The following ENOX2 variants were observed in gnomAD, a reference collection of about 807,000 sequenced individuals.
ENOX2 encodes the protein ecto-NOX disulfide-thiol exchanger 2.
A neutral mutation model predicts 45.0 loss-of-function variants in ENOX2; 36 were observed. The ratio of observed to expected loss-of-function variants is 0.80; its 90% CI spans 0.61 to 1.06. ENOX2 has a LOEUF of 1.06. Ranked by LOEUF, ENOX2 falls within the 50% of genes least tolerant of loss-of-function variation. The pLI, the probability that ENOX2 is intolerant of heterozygous loss-of-function variation, is 0.00. For missense variants in ENOX2, 423 were observed against 462.5 expected, an observed-to-expected ratio of 0.91 and a Z score of 0.78; for synonymous variants, 174 against 152.3, an observed-to-expected ratio of 1.14 and a Z score of -1.05.
At position 130,631,563 on chromosome X, in the gene ENOX2, G is replaced by C. The variant is rs1371480707; in HGVS notation, c.1433C>G (p.Ser478Cys). 3.4e-6 allele frequency: 4 copies of C among 1,179,636 alleles called. No homozygotes were observed. The highest frequency in any genetic ancestry group is 4.6e-6 in the Non-Finnish European group (4 of 867,752). ...ENLKEKESCA[S>C]RLCASNQDSE... ...ATCCTGGTTTGAGGCACACAGCCTA[G>C]AAGCACAGCTTTCCTGTGGACACAA... Residue 478 changes from serine (S) to cysteine (C), a missense_variant, in exon 13 of 15, where the codon TCT (serine) becomes TGT (cysteine). By Grantham distance (112) the Ser-to-Cys change is moderately radical. Coordinates refer to ENST00000394363, the MANE Select transcript of ENOX2 (RefSeq NM_006375.4).
At chrX:130,730,775 G>A (rs1407935572) in intron 3 of ENOX2, among the ~76,000 whole-genome samples, 1 of 110,745 alleles carries the variant, frequency 9.0e-6, no homozygotes, top group African/African-American at 3.3e-5. Context: ...TGGGGGGAAT[G>A]GGGGGCTTCC....
At chrX:130,690,775 C>G (rs2148185862) in intron 4 of ENOX2, among the ~76,000 whole-genome samples, 1 of 110,843 alleles carries the variant, frequency 9.0e-6, no homozygotes, top group African/African-American at 3.3e-5. Context: ...AACCTCAGGT[C>G]TGACAGGCAC....
chrX:130,737,915 G>A (rs1423897326), intron 3 of ENOX2, among the ~76,000 whole-genome samples: 1 of 111,876 alleles, frequency 8.9e-6, no homozygotes, highest in East Asian at 2.8e-4. Flanking sequence ...CTGGAGGATG[G>A]AGTCAAGATG....
intron 3 of ENOX2, among the ~76,000 whole-genome samples, chrX:130,768,487 C>T (rs1200645856): frequency 6.3e-5 from 7 of 111,989 alleles, no homozygotes; most frequent in African/African-American, 2.3e-4. Flanking sequence ...CTCTTTCCAA[C>T]CACCCCAGCC....
chrX:130,728,981 C>T (rs1382833655), intron 3 of ENOX2, among the ~76,000 whole-genome samples: 1 of 111,367 alleles, frequency 9.0e-6, no homozygotes, highest in African/African-American at 3.3e-5. Flanking sequence ...CTGTGGACTG[C>T]GTGGATTGTG....
intron 13 of ENOX2, among the ~76,000 whole-genome samples, chrX:130,628,350 A>G (rs151076121): frequency 8.9e-6 from 1 of 112,151 alleles, no homozygotes; most frequent in East Asian, 2.8e-4. Flanking sequence ...TTACTGTGCT[A>G]TATCACATGT....
At chrX:130,680,655 T>C (rs1408090211) in intron 5 of ENOX2, among the ~76,000 whole-genome samples, 1 of 112,534 alleles carries the variant, frequency 8.9e-6, no homozygotes. Context: ...CAAAGCATGA[T>C]GGTCATGGGT....
intron 5 of ENOX2, 145 bp downstream of exon 5, chrX:130,688,718 G>A: frequency 2.2e-6 from 1 of 460,571 alleles, no homozygotes. Flanking sequence ...TGCCTAGCAA[G>A]AGAAAATTTT....
At chrX:130,713,434 T>G (rs2038244202) in intron 3 of ENOX2, among the ~76,000 whole-genome samples, 1 of 111,562 alleles carries the variant, frequency 9.0e-6, no homozygotes, top group South Asian at 3.8e-4. Context: ...GGGGTTCTGG[T>G]TGGACCCAGG....
At chrX:130,717,728 A>G (rs1464409213) in intron 3 of ENOX2, among the ~76,000 whole-genome samples, 2 of 112,147 alleles carry the variant, frequency 1.8e-5, no homozygotes, top group African/African-American at 3.2e-5. Flanking sequence ...AAAATTTATA[A>G]GATACAAGCG....
In ENOX2 at chrX:130,656,181, A is replaced by G. The variant is rs779485827; in HGVS notation, c.1129+400T>C. On this transcript the variant is annotated intron_variant, in intron 10 of 14. Transcript: ENST00000394363. ...TCTGCAATGGTAATTCTCCCATCCAAGATAGTTTATTATGAAATTGAAGAG... is the reference window on the plus strand; with the variant it reads ...TCTGCAATGGTAATTCTCCCATCCAGGATAGTTTATTATGAAATTGAAGAG... Among the ~76,000 whole-genome samples the G allele has an allele frequency of 5.3e-5, 6 of 112,322 alleles. No homozygotes were observed. In the East Asian group the frequency reaches 1.7e-3, roughly 31 times the overall value.
intron 2 of ENOX2, among the ~76,000 whole-genome samples, chrX:130,827,630 A>G (rs1200590617): frequency 8.9e-6 from 1 of 112,003 alleles, no homozygotes; most frequent in Non-Finnish European, 1.9e-5. Context: ...AGAACTTAAT[A>G]AATATCTGTT....
At chrX:130,663,644 G>A (rs1019707199) in intron 9 of ENOX2, among the ~76,000 whole-genome samples, 4 of 111,030 alleles carry the variant, frequency 3.6e-5, no homozygotes, top group Admixed American at 9.6e-5. Flanking sequence ...CTTAAAGGGT[G>A]GGGCCATTCA....
At chrX:130,692,276 A>T (rs762117814) in intron 4 of ENOX2, among the ~76,000 whole-genome samples, 1 of 113,381 alleles carries the variant, frequency 8.8e-6, no homozygotes, top group Non-Finnish European at 1.9e-5. Flanking sequence ...TTTAAAACAC[A>T]CTGGGAATAG....
chrX:130,831,863 T>C (rs1432952183), intron 2 of ENOX2, among the ~76,000 whole-genome samples: 1 of 111,490 alleles, frequency 9.0e-6, no homozygotes, highest in Non-Finnish European at 1.9e-5. Context: ...AAAAAGGTGC[T>C]CAATAAATTT....
intron 2 of ENOX2, among the ~76,000 whole-genome samples, chrX:130,862,738 A>G: frequency 9.0e-6 from 1 of 111,715 alleles, no homozygotes; most frequent in Non-Finnish European, 1.9e-5. Flanking sequence ...TGATAAATAA[A>G]TGAATGAGTA....
intron 10 of ENOX2, chrX:130,645,732 C>T (rs1484562245): frequency 2.6e-6 from 2 of 779,377 alleles, no homozygotes; most frequent in African/African-American, 2.1e-5. Flanking sequence ...GATGGTGAAC[C>T]TAGCAGCCAT....
At chrX:130,801,564 A>G (rs1444582968) in intron 2 of ENOX2, among the ~76,000 whole-genome samples, 5 of 112,267 alleles carry the variant, frequency 4.5e-5, no homozygotes, top group Admixed American at 2.8e-4. Flanking sequence ...AAATTATTCA[A>G]TATAACATAA....
intron 2 of ENOX2, among the ~76,000 whole-genome samples, chrX:130,838,024 T>A (rs908897898): frequency 2.7e-5 from 3 of 112,086 alleles, no homozygotes; most frequent in Non-Finnish European, 5.6e-5. Context: ...ATCTCTCTGC[T>A]TTATATTAAC....
Sources: allele counts gnomAD v4.1 joint callset (sites outside exome capture counted in the v4.1 genomes callset), GRCh38; gene constraint gnomAD v4.1.1; transcripts MANE v1.5; gene names NCBI Gene and HGNC (gene_info 2026-07-23, HGNC 2026-07-21).